Variants in CLDN16 observed in about 807,000 individuals in gnomAD.
CLDN16 encodes the protein claudin 16, also known as claudin-16.
A neutral mutation model predicts 24.6 loss-of-function variants in CLDN16; 13 were observed. The observed-to-expected ratio is 0.53, with a 90% CI of 0.34 to 0.84. The LOEUF (loss-of-function observed/expected upper bound fraction) is 0.84. CLDN16 is among the 40% of genes least tolerant of loss of function. CLDN16 has a pLI of 0.01. For synonymous variants in CLDN16, 116 were observed against 106.7 expected (o/e 1.09, Z -0.54); for missense variants, 298 against 292.7 (o/e 1.02, Z -0.13).
rs561180101 is a variant in CLDN16 at position 190,374,226 on chromosome 3, G to T, written n.231-302G>T. Among the ~76,000 whole-genome samples, 300 of 150,406 alleles carry T rather than the reference G, an allele frequency of 2.0e-3. 2 individuals are homozygous for T. Among genetic ancestry groups the T allele is most frequent in the African/African-American group, 6.9e-3 (280 of 40,776 alleles). ...TGAGTAATGGAATCATCAATCTGTG[G>T]AGTCATTGGTTTTCTCTATTTTCCT... On this transcript the variant is annotated intron_variant and non_coding_transcript_variant, in intron 2 of 4. Transcript: ENST00000468220.
chr3:190,301,499 AAAAG>A, the CLDN16 span, among the ~76,000 whole-genome samples: 1 of 145,674 alleles, frequency 6.9e-6, no homozygotes, highest in Non-Finnish European at 1.5e-5. Context: ...GTCTCAAAAA[AAAAG>A]AAGAAGAAGA....
Position 190,404,824 on chromosome 3 carries a change from C to T in CLDN16, c.280C>T (p.Leu94Phe). Reference protein sequence around the residue: ...TADILAGFGFLTLLLGLDCVK... With the variant: ...TADILAGFGFFTLLLGLDCVK... ...AGATATTCTAGCTGGGTTTGGATTT[C>T]TCACCCTGCTCCTTGGTCTTGACTG... The change falls in exon 3 of 5, where the codon CTC becomes TTC. Residue 94 changes from leucine to phenylalanine, a missense_variant. Transcript: ENST00000264734. The T allele has an allele frequency of 6.2e-7, 1 of 1,614,052 alleles. No homozygotes were observed. Among genetic ancestry groups the T allele is most frequent in the East Asian group, 2.2e-5 (1 of 44,870 alleles).
intron 1 of CLDN16, among the ~76,000 whole-genome samples, chr3:190,332,366 C>T (rs1029369931): frequency 2.0e-5 from 3 of 152,096 alleles, no homozygotes; most frequent in Non-Finnish European, 4.4e-5. Flanking sequence ...GCTTAATATG[C>T]ACCAGACAGT....
Position 190,388,342 on chromosome 3 carries a change from C to A in CLDN16, c.13C>A (p.Leu5Ile), listed in dbSNP as rs199839143. 1 of 1,614,136 alleles carries A rather than the reference C, an allele frequency of 6.2e-7. No individual in the cohort carries two copies. The highest frequency in any genetic ancestry group is 8.5e-7 in the Non-Finnish European group (1 of 1,180,010). Residue 5 changes from leucine to isoleucine, a missense_variant, in exon 1 of 5, where the codon CTT (leucine) becomes ATT (isoleucine). Transcript: ENST00000264734. MRDL[L>I]QYIACFFAFF... ...GCTGCTTGCCACAATGAGGGATCTTCTTCAATACATCGCTTGCTTCTTTGC... is the reference window on the plus strand; with the variant it reads ...GCTGCTTGCCACAATGAGGGATCTTATTCAATACATCGCTTGCTTCTTTGC...
upstream of CLDN16, among the ~76,000 whole-genome samples, chr3:190,321,527 T>C (rs1716921147): frequency 6.6e-6 from 1 of 152,232 alleles, no homozygotes; most frequent in Non-Finnish European, 1.5e-5. Flanking sequence ...GTTAAAAAGT[T>C]ATATCTAATA....
rs150391848 is a variant in CLDN16 at position 190,400,767 on chromosome 3, T to A, written c.115-1570T>A. On this transcript the variant is annotated intron_variant, in intron 1 of 4. Transcript: ENST00000264734. ...TCCATGTCTTGGCTATTGTGAATAG[T>A]GTCACAAAGAGCATGGAGGTGCGCA... Among the ~76,000 whole-genome samples the A allele has an allele frequency of 3.7e-3, 567 of 152,318 alleles. 5 individuals are homozygous for A. Among genetic ancestry groups the A allele is most frequent in the Middle Eastern group, 3.4e-3 (1 of 294 alleles).
At chr3:190,331,838 T>C (rs1039504630) in intron 1 of CLDN16, among the ~76,000 whole-genome samples, 3 of 152,218 alleles carry the variant, frequency 2.0e-5, no homozygotes, top group African/African-American at 7.2e-5. Context: ...TGGGCTATAA[T>C]TAAAATGTCC....
At chr3:190,312,890 CA>C in the CLDN16 span, 1 of 1,614,002 alleles carries the variant, frequency 6.2e-7, no homozygotes, top group Non-Finnish European at 8.5e-7. Context: ...AGAAATATCG[CA>C]CCCCCAATGA....
chr3:190,365,235 T>C (rs1717995296), intron 1 of CLDN16, among the ~76,000 whole-genome samples: 1 of 151,812 alleles, frequency 6.6e-6, no homozygotes, highest in African/African-American at 2.4e-5. Flanking sequence ...CTATGTTCTT[T>C]TGGGATTCTC....
intron 1 of CLDN16, among the ~76,000 whole-genome samples, chr3:190,334,996 T>C (rs960026915): frequency 6.6e-6 from 1 of 151,352 alleles, no homozygotes; most frequent in Non-Finnish European, 1.5e-5. Context: ...TCTTTTCTTT[T>C]TATTCTTTTC....
intron 1 of CLDN16, among the ~76,000 whole-genome samples, chr3:190,353,594 A>AT (rs1717711278): frequency 6.6e-6 from 1 of 152,130 alleles, no homozygotes; most frequent in African/African-American, 2.4e-5. Context: ...ACATGGCTTT[A>AT]TTTTAACATT....
intron 1 of CLDN16, among the ~76,000 whole-genome samples, chr3:190,344,567 A>G: frequency 6.6e-6 from 1 of 152,044 alleles, no homozygotes; most frequent in South Asian, 2.1e-4. Context: ...AAATGTGAAA[A>G]TATATTAAAT....
chr3:190,401,610 C>T (rs1254224216), intron 1 of CLDN16, among the ~76,000 whole-genome samples: 1 of 152,152 alleles, frequency 6.6e-6, no homozygotes, highest in African/African-American at 2.4e-5. Flanking sequence ...GAACTGGTAC[C>T]TTCTAGCTCT....
At chr3:190,310,184 G>T in the CLDN16 span, 3 of 1,613,604 alleles carry the variant, frequency 1.9e-6, no homozygotes, top group South Asian at 3.3e-5. Context: ...ATTGACTGGG[G>T]TCATAGGGTC....
the CLDN16 span, among the ~76,000 whole-genome samples, chr3:190,315,855 C>A: frequency 1.3e-5 from 2 of 152,152 alleles, no homozygotes; most frequent in Non-Finnish European, 2.9e-5. Context: ...GGGCATCAAT[C>A]TCATGAGTCG....
intron 3 of CLDN16, among the ~76,000 whole-genome samples, chr3:190,379,594 A>G (rs545317795): frequency 6.6e-6 from 1 of 152,178 alleles, no homozygotes; most frequent in East Asian, 1.9e-4. Flanking sequence ...CAAACAAACA[A>G]CATCATCATG....
the CLDN16 span, among the ~76,000 whole-genome samples, chr3:190,312,076 G>A: frequency 2.6e-5 from 4 of 151,398 alleles, no homozygotes; most frequent in South Asian, 2.1e-4. Context: ...GATTACAGGC[G>A]TGCACCACCA....
At chr3:190,315,017 A>G in the CLDN16 span, among the ~76,000 whole-genome samples, 1 of 152,298 alleles carries the variant, frequency 6.6e-6, no homozygotes, top group African/African-American at 2.4e-5. Context: ...CACAAGCCAT[A>G]CTGTGGTATG....
At chr3:190,403,421 C>T (rs115026636) in intron 2 of CLDN16, among the ~76,000 whole-genome samples, 387 of 152,242 alleles carry the variant, frequency 2.5e-3, no homozygotes, top group African/African-American at 9.1e-3. Context: ...ATTTAAAAAT[C>T]TTACTGTTGA....
Sources: allele counts gnomAD v4.1 joint callset (sites outside exome capture counted in the v4.1 genomes callset), GRCh38; gene constraint gnomAD v4.1.1; transcripts MANE v1.5; gene names NCBI Gene and HGNC (gene_info 2026-07-23, HGNC 2026-07-21).